ZNF254: variants seen among roughly 807,000 people sequenced by gnomAD.
The protein encoded by ZNF254 is CTD-2017D11.1.
Under a neutral mutation model 12.4 loss-of-function variants are expected in ZNF254, and 10 were observed. That is an observed-to-expected ratio of 0.80 (90% CI 0.50 to 1.36). The LOEUF (loss-of-function observed/expected upper bound fraction) is 1.36, where lower values mean the gene tolerates loss of function less well. ZNF254 is among the 40% of genes most tolerant of loss of function. The pLI is 0.00. For synonymous variants in ZNF254, 305 were observed against 253.4 expected, an observed-to-expected ratio of 1.20 and a Z score of -1.93; for missense variants, 996 against 763.9, an observed-to-expected ratio of 1.30 and a Z score of -3.58.
At chr19:24,071,798 G>T (rs567424326) in intron 2 of ZNF254, among the ~76,000 whole-genome samples, 1 of 152,072 alleles carries the variant, frequency 6.6e-6, no homozygotes, top group African/African-American at 2.4e-5. Flanking sequence ...GCTTCTACAG[G>T]GTTCAGGACG....
rs759145234 is a variant in ZNF254 at position 24,126,673 on chromosome 19, C to G, written c.673C>G (p.Leu225Val). The stretch of plus-strand genomic sequence containing the variant: ...AAAAACCTTTAATTGGTCCTCAACC[C>G]TTACTAATCATAGGAAAATTTATAC... ...CGKTFNWSSTLTNHRKIYTEE... is the reference protein window; with the variant it reads ...CGKTFNWSSTVTNHRKIYTEE... Residue 225 changes from leucine to valine, a missense_variant, in exon 4 of 4, where the codon CTT becomes GTT. Transcript: ENST00000357002. 3 of 1,613,050 alleles carry G rather than the reference C, an allele frequency of 1.9e-6. No individual in the cohort carries two copies. The African/African-American group carries it at 4.0e-5, about 22-fold the overall frequency.
Position 24,105,441 on chromosome 19 carries a change from C to T in ZNF254, c.31-499C>T. The T allele has an allele frequency of 1.5e-5, 4 of 261,934 alleles. No homozygotes were observed. In the South Asian group the frequency reaches 1.6e-4, roughly 10 times the overall value. 16.2% of individuals were successfully genotyped at this position (261,934 alleles called of 1,614,324 possible). A position where few individuals can be genotyped will look rare whatever the true frequency, so the allele number is the denominator to read the frequency against. ...TAGTCTTTTGGGGCCAAAACATTGG[C>T]ATTACTGGTGAGCTTGGTAGAGATT... On this transcript the variant is annotated intron_variant, in intron 1 of 3. Coordinates refer to ENST00000357002, the MANE Select transcript of ZNF254 (RefSeq NM_203282.4).
chr19:24,034,870 G>A (rs1307855072), intron 1 of ZNF254, among the ~76,000 whole-genome samples: 3 of 150,844 alleles, frequency 2.0e-5, no homozygotes, highest in East Asian at 2.0e-4. Context: ...TGCAGCCTCC[G>A]CCTCCCGGGT....
intron 2 of ZNF254, among the ~76,000 whole-genome samples, chr19:24,072,761 G>A (rs536556458): frequency 9.4e-4 from 143 of 152,320 alleles, no homozygotes; most frequent in African/African-American, 3.3e-3. Context: ...TGACTTTGTT[G>A]TCTGTGCCTT....
intron 1 of ZNF254, among the ~76,000 whole-genome samples, chr19:24,039,328 A>AG: frequency 6.6e-6 from 1 of 152,374 alleles, no homozygotes; most frequent in South Asian, 2.1e-4. Context: ...AAGGGAAGTT[A>AG]GGGCCACAAC....
At chr19:24,033,620 G>A in exon 1 of ZNF254, 1 of 415,708 alleles carries the variant, frequency 2.4e-6, no homozygotes, top group African/African-American at 2.1e-5. Context: ...AGCTGGGAAA[G>A]GGTGAGTGTG....
At chr19:24,068,865 G>T (rs1185870601) in intron 2 of ZNF254, among the ~76,000 whole-genome samples, 1 of 152,112 alleles carries the variant, frequency 6.6e-6, no homozygotes, top group Non-Finnish European at 1.5e-5. Context: ...TCCTAGCTAG[G>T]CTTAGGAAAA....
At chr19:24,080,905 C>G (rs1260107710) in intron 2 of ZNF254, among the ~76,000 whole-genome samples, 1 of 151,698 alleles carries the variant, frequency 6.6e-6, no homozygotes, top group Non-Finnish European at 1.5e-5. Flanking sequence ...AGGAGAAACC[C>G]CATCTCTAGT....
Position 24,127,717 on chromosome 19 carries a change from C to T in ZNF254, c.1717C>T (p.Pro573Ser). ...TAAGAGAATTCATACTGGAGAGAAA[C>T]CCTATAAATGTGAAGAATGTGGCAA... ...NHKRIHTGEK[P>S]YKCEECGKSF... Residue 573 changes from proline (P) to serine (S), a missense_variant, in exon 4 of 4, where the codon CCC becomes TCC. Pro to Ser is a moderately conservative substitution (Grantham distance 74). Transcript: ENST00000357002. 6.2e-7 allele frequency: 1 copy of T among 1,613,152 alleles called. No homozygotes were observed. Among genetic ancestry groups the T allele is most frequent in the Non-Finnish European group, 8.5e-7 (1 of 1,179,664 alleles).
intron 2 of ZNF254, chr19:24,046,419 T>G (rs1970394357): frequency 7.8e-6 from 1 of 128,936 alleles, no homozygotes; most frequent in South Asian, 2.5e-4. Context: ...CTGTTTTATG[T>G]GCAACAATTG....
chr19:24,049,214 A>ATTTTTTTTTT (rs66491625), intron 2 of ZNF254, among the ~76,000 whole-genome samples: 10 of 40,862 alleles, frequency 2.4e-4, no homozygotes, highest in African/African-American at 5.5e-4. Context: ...ATATATATAT[A>ATTTTTTTTTT]TTTTTTTTTT....
intron 1 of ZNF254, among the ~76,000 whole-genome samples, chr19:24,043,032 T>C (rs959604915): frequency 6.6e-6 from 1 of 152,214 alleles, no homozygotes; most frequent in Non-Finnish European, 1.5e-5. Flanking sequence ...GTTTTTTGCT[T>C]ATAGCTTGCT....
At chr19:24,115,900 A>G (rs1974032567) in intron 3 of ZNF254, among the ~76,000 whole-genome samples, 1 of 152,080 alleles carries the variant, frequency 6.6e-6, no homozygotes, top group Non-Finnish European at 1.5e-5. Flanking sequence ...GGTGGTGACA[A>G]AGTCTCTCAG....
intron 1 of ZNF254, among the ~76,000 whole-genome samples, chr19:24,098,214 G>A (rs1323049710): frequency 6.6e-6 from 1 of 152,126 alleles, no homozygotes; most frequent in Non-Finnish European, 1.5e-5. Context: ...GTAGATGTTA[G>A]TCTGATAGGC....
Position 24,126,345 on chromosome 19 carries a change from T to C in ZNF254, c.345T>C (p.Tyr115=). Residue 115 remains tyrosine, a synonymous_variant, in exon 4 of 4, where the codon TAT becomes TAC. Transcript: ENST00000357002. ...QKAILRRYGK[Y]GHENLQLRKG... ...CAATACTGAGAAGATATGGAAAATA[T>C]GGACATGAGAATTTACAGTTAAGAA... The C allele has an allele frequency of 1.2e-6, 2 of 1,608,714 alleles. No individual in the cohort carries two copies. The highest frequency in any genetic ancestry group is 2.2e-5 in the East Asian group (1 of 44,774).
chr19:24,110,290 G>A (rs889916104), intron 3 of ZNF254, among the ~76,000 whole-genome samples: 11 of 152,090 alleles, frequency 7.2e-5, no homozygotes, highest in African/African-American at 2.4e-4. Context: ...AGGCATGGTG[G>A]TGGCTCATAT....
intron 2 of ZNF254, among the ~76,000 whole-genome samples, chr19:24,074,595 A>G (rs1414901214): frequency 1.3e-5 from 2 of 152,130 alleles, no homozygotes; most frequent in Non-Finnish European, 2.9e-5. Flanking sequence ...TCATTCTTCT[A>G]TCTGGCCCCT....
upstream of ZNF254, among the ~76,000 whole-genome samples, chr19:24,085,408 G>GTATATATATATATATATATATATATATA (rs377541868): frequency 0.12 from 3,726 of 32,368 alleles, 891 homozygotes; most frequent in South Asian, 0.14. Context: ...TTTGTTAAGG[G>GTATATATATATATATATATATATATATA]TATATATATA....
Position 24,128,493 on chromosome 19 carries a change from A to G in ZNF254, c.*513A>G, listed in dbSNP as rs1351626015. ...GGATTGTAATATCTTTACTTGTACC[A>G]CAGATCTTATTGTACACATTTTATA... On this transcript the variant is annotated 3_prime_UTR_variant, in exon 4 of 4. Coordinates refer to ENST00000357002, the MANE Select transcript of ZNF254 (RefSeq NM_203282.4). 6.6e-6 allele frequency: 1 copy of G among 152,272 alleles called. No homozygotes were observed. The highest frequency in any genetic ancestry group is 1.9e-4 in the East Asian group (1 of 5,202). The allele number at this position is 152,272 out of a possible 1,614,324, so 9.4% of individuals were successfully genotyped here.
Sources: gnomAD v4.1 joint callset for allele counts (sites outside exome capture counted in the v4.1 genomes callset) on GRCh38, gnomAD v4.1.1 for gene constraint, MANE v1.5 for transcripts, NCBI Gene and HGNC (gene_info 2026-07-23, HGNC 2026-07-21) for gene names.